The following FHIP1A variants were observed in gnomAD, a reference collection of about 807,000 sequenced individuals.
FHIP1A encodes FHF complex subunit HOOK-interacting protein 1A.
A neutral mutation model predicts 88.6 loss-of-function variants in FHIP1A; 61 were observed. That is an observed-to-expected ratio of 0.69 (90% CI 0.56 to 0.85). FHIP1A has a LOEUF of 0.85. FHIP1A is among the 40% of genes least tolerant of loss of function. The pLI is 0.00. For synonymous variants in FHIP1A, 478 were observed against 496.0 expected (o/e 0.96, Z 0.48); for missense variants, 1,154 against 1,273.5 (o/e 0.91, Z 1.43).
intron 3 of FHIP1A, among the ~76,000 whole-genome samples, chr4:151,540,902 C>A (rs1321736137): frequency 6.6e-6 from 1 of 152,186 alleles, no homozygotes; most frequent in Non-Finnish European, 1.5e-5. Flanking sequence ...ACAGACAAGA[C>A]AACTTGGATA....
chr4:151,490,620 A>G (rs1580626538), intron 3 of FHIP1A, among the ~76,000 whole-genome samples: 1 of 152,220 alleles, frequency 6.6e-6, no homozygotes, highest in Admixed American at 6.5e-5. Context: ...ATCACAAGCT[A>G]CCCAGCAATG....
chr4:151,658,630 C>T (rs114288725), intron 13 of FHIP1A, among the ~76,000 whole-genome samples: 1,954 of 152,212 alleles, frequency 0.013, 41 homozygotes, highest in African/African-American at 0.045. Flanking sequence ...AGAGGGCCAG[C>T]GCAGATTGAA....
At chr4:151,424,202 G>T (rs2126526899) in intron 1 of FHIP1A, among the ~76,000 whole-genome samples, 1 of 152,300 alleles carries the variant, frequency 6.6e-6, no homozygotes, top group East Asian at 1.9e-4. Context: ...GAATGGTTCT[G>T]GTTGGCCTAA....
intron 3 of FHIP1A, among the ~76,000 whole-genome samples, chr4:151,521,761 G>A (rs1416096067): frequency 6.6e-6 from 1 of 152,086 alleles, no homozygotes; most frequent in Non-Finnish European, 1.5e-5. Context: ...GTCTTGCTCT[G>A]TCCCACAGAC....
chr4:151,419,087 T>A (rs758504012), intron 1 of FHIP1A, among the ~76,000 whole-genome samples: 38 of 152,312 alleles, frequency 2.5e-4, no homozygotes, highest in Admixed American at 7.8e-4. Context: ...TCCAGGTATT[T>A]AGTTAAACAT....
intron 3 of FHIP1A, among the ~76,000 whole-genome samples, chr4:151,519,032 C>T (rs1346711278): frequency 6.6e-6 from 1 of 152,154 alleles, no homozygotes; most frequent in Non-Finnish European, 1.5e-5. Context: ...AGTTCTTCAG[C>T]ATATCTATCA....
chr4:151,630,017 CTTCT>C (rs1736097556), intron 8 of FHIP1A, 148 bp downstream of exon 8: 3 of 676,838 alleles, frequency 4.4e-6, no homozygotes, highest in Admixed American at 6.1e-5. Flanking sequence ...TGGCCATTAC[CTTCT>C]TTCTATTTGG....
chr4:151,480,358 T>C (rs1452052847), intron 2 of FHIP1A, among the ~76,000 whole-genome samples: 2 of 152,034 alleles, frequency 1.3e-5, no homozygotes, highest in African/African-American at 4.8e-5. Context: ...GGGGAGGATA[T>C]ATGATAATGG....
intron 1 of FHIP1A, among the ~76,000 whole-genome samples, chr4:151,424,911 C>A (rs1187912473): frequency 6.6e-6 from 1 of 151,340 alleles, no homozygotes; most frequent in Non-Finnish European, 1.5e-5. Context: ...ATGAGTGATA[C>A]AAATAAAATA....
chr4:151,574,299 AG>A (rs1733703077), intron 4 of FHIP1A, among the ~76,000 whole-genome samples: 2 of 152,188 alleles, frequency 1.3e-5, no homozygotes, highest in South Asian at 4.1e-4. Context: ...TACTATAAAG[AG>A]GGTAAAGATG....
chr4:151,427,179 G>A (rs148391203), intron 1 of FHIP1A, among the ~76,000 whole-genome samples: 1,683 of 152,034 alleles, frequency 0.011, 31 homozygotes, highest in African/African-American at 0.037. Context: ...TTTAAATAAT[G>A]CTTAGGTTGT....
At chr4:151,560,795 C>CT (rs781158579) in intron 3 of FHIP1A, among the ~76,000 whole-genome samples, 2 of 152,096 alleles carry the variant, frequency 1.3e-5, no homozygotes, top group East Asian at 3.9e-4. Context: ...TATCTCAATA[C>CT]TTGCTATAAA....
intron 7 of FHIP1A, among the ~76,000 whole-genome samples, chr4:151,621,795 CTT>C (rs199966761): frequency 1.4e-5 from 2 of 142,830 alleles, no homozygotes; most frequent in Non-Finnish European, 1.5e-5. Context: ...GGAAGCATTT[CTT>C]TTTTTTTTTT....
intron 3 of FHIP1A, among the ~76,000 whole-genome samples, chr4:151,522,234 T>C (rs925677728): frequency 9.8e-5 from 15 of 152,342 alleles, no homozygotes; most frequent in Middle Eastern, 3.4e-3. Context: ...CCTTCAGTGC[T>C]GATCCAGTTT....
Position 151,669,006 on chromosome 4 carries a change from A to G in FHIP1A, c.*6252A>G, listed in dbSNP as rs1737763694. 6.6e-6 allele frequency among the ~76,000 whole-genome samples: 1 copy of G among 152,216 alleles called. No individual in the cohort carries two copies. The highest frequency in any genetic ancestry group is 1.5e-5 in the Non-Finnish European group (1 of 68,042). ...GTGCCAACTCATACATTTTAATGAG[A>G]TTTCTCCCTGAAGGGTGAACCAGTA... On this transcript the variant is annotated 3_prime_UTR_variant, in exon 14 of 14. Transcript: ENST00000435205.
intron 9 of FHIP1A, among the ~76,000 whole-genome samples, chr4:151,645,162 G>T (rs1159035827): frequency 6.6e-6 from 1 of 152,066 alleles, no homozygotes; most frequent in Non-Finnish European, 1.5e-5. Context: ...AGACCTGCAG[G>T]GTGTGTCTGG....
intron 3 of FHIP1A, among the ~76,000 whole-genome samples, chr4:151,490,140 G>A (rs1374322277): frequency 6.6e-6 from 1 of 152,164 alleles, no homozygotes; most frequent in Non-Finnish European, 1.5e-5. Flanking sequence ...CAACACCCTG[G>A]CTAACCAGAG....
At position 151,660,397 on chromosome 4, in the gene FHIP1A, GGAAGAGAATGAATGAATTT is replaced by G. The variant is rs1218713584; in HGVS notation, c.2870-2102_2870-2084del. ...GAGTCACAAAACCCCTTTTTAGGGG[GGAAGAGAATGAATGAATTT>G]GGAAGAGAATGAATGAATTTGAAGG... On this transcript the variant is annotated intron_variant, in intron 13 of 13. Transcript: ENST00000435205. Among the ~76,000 whole-genome samples the G allele has an allele frequency of 2.1e-4, 25 of 120,584 alleles. 1 individual carries two copies. The highest frequency in any genetic ancestry group is 3.2e-4 in the Non-Finnish European group (17 of 52,942). 79.1% of individuals were successfully genotyped at this position (120,584 alleles called of 152,430 possible).
Position 151,656,921 on chromosome 4 carries a change from G to A in FHIP1A, c.2869+23G>A, listed in dbSNP as rs1489513400. 35 of 1,538,208 alleles carry A rather than the reference G, an allele frequency of 2.3e-5. No individual in the cohort carries two copies. The highest frequency in any genetic ancestry group is 7.4e-5 in the East Asian group (3 of 40,656). ...AAGGTAAGCCAGGTTTCTCCACAGC[G>A]CCCCTCCTTAAATTCCTCCTCCACG... On this transcript the variant is annotated intron_variant, in intron 13 of 13. Coordinates refer to ENST00000435205, the MANE Select transcript of FHIP1A (RefSeq NM_001109977.3). This position sits in a 1 kb window ranked among gnomAD's most constrained non-coding sequence, Gnocchi z 4.2.
Sources: allele counts gnomAD v4.1 joint callset (sites outside exome capture counted in the v4.1 genomes callset), GRCh38; gene constraint gnomAD v4.1.1; non-coding constraint Gnocchi (gnomAD v3.1); transcripts MANE v1.5; gene names NCBI Gene and HGNC (gene_info 2026-07-23, HGNC 2026-07-21).